EFCAB12: variants seen among roughly 807,000 people sequenced by gnomAD.
EFCAB12 encodes the protein EF-hand calcium binding domain 12.
In EFCAB12, 43 loss-of-function variants were observed where a neutral mutation model predicts 53.6. The observed-to-expected ratio is 0.80, with a 90% CI of 0.63 to 1.03. The LOEUF (loss-of-function observed/expected upper bound fraction) is 1.03, where lower values mean the gene tolerates loss of function less well. EFCAB12 is among the 50% of genes least tolerant of loss of function. The probability of loss-of-function intolerance (pLI) is 0.00; values close to 1 mark genes in which losing one functional copy is unlikely to be tolerated. For synonymous variants in EFCAB12, 269 were observed against 289.2 expected (o/e 0.93, Z 0.71); for missense variants, 646 against 730.6 (o/e 0.88, Z 1.34).
chr3:129,421,094 A>G (rs997543342), intron 2 of EFCAB12, among the ~76,000 whole-genome samples: 1 of 152,152 alleles, frequency 6.6e-6, no homozygotes, highest in Non-Finnish European at 1.5e-5. Flanking sequence ...CTCATGAGAG[A>G]CTCTGAGCCA....
At chr3:129,414,401 G>C (rs756670814) in intron 4 of EFCAB12, 2 of 152,258 alleles carry the variant, frequency 1.3e-5, no homozygotes, top group Non-Finnish European at 2.9e-5. Context: ...CAGGGCTCCT[G>C]TGTGACTCAG....
intron 3 of EFCAB12, among the ~76,000 whole-genome samples, 191 bp from the exon 4 acceptor site, chr3:129,415,592 G>C (rs9990139): frequency 0.064 from 9,748 of 152,202 alleles, 951 homozygotes; most frequent in East Asian, 0.44. Flanking sequence ...TCTGCACTTT[G>C]TTACCTTTGC....
intron 3 of EFCAB12, among the ~76,000 whole-genome samples, chr3:129,416,600 C>T (rs1360175327): frequency 2.0e-5 from 3 of 152,266 alleles, no homozygotes; most frequent in South Asian, 2.1e-4. Context: ...TTTAAAACCA[C>T]GAAAGACATC....
chr3:129,422,224 T>C (rs2072198444), intron 1 of EFCAB12, among the ~76,000 whole-genome samples: 1 of 152,198 alleles, frequency 6.6e-6, no homozygotes, highest in East Asian at 1.9e-4. Context: ...ACCTAACTTC[T>C]CTGTCTCAAC....
At chr3:129,402,697 T>G in intron 7 of EFCAB12, 118 bp from the exon 8 acceptor site, 12 of 983,470 alleles carry the variant, frequency 1.2e-5, no homozygotes, top group East Asian at 2.7e-5. Context: ...ACGAGAGCTC[T>G]GAAAGAAAAA....
intron 3 of EFCAB12, among the ~76,000 whole-genome samples, 199 bp downstream of exon 3, chr3:129,418,055 T>G (rs145638638): frequency 1.3e-5 from 2 of 152,120 alleles, no homozygotes; most frequent in African/African-American, 2.4e-5. Context: ...GGGCAGATAT[T>G]GAGGATCTGA....
chr3:129,405,815 G>A (rs2107735874), intron 6 of EFCAB12, among the ~76,000 whole-genome samples: 1 of 152,310 alleles, frequency 6.6e-6, no homozygotes, highest in South Asian at 2.1e-4. Flanking sequence ...ACAGTGGTCA[G>A]AGATGGATTT....
intron 6 of EFCAB12, among the ~76,000 whole-genome samples, chr3:129,405,982 G>A (rs1178667845): frequency 6.6e-6 from 1 of 151,878 alleles, no homozygotes; most frequent in Non-Finnish European, 1.5e-5. Flanking sequence ...GGAAGCTGAA[G>A]TGGGACGATC....
At position 129,401,458 on chromosome 3, in the gene EFCAB12, G is replaced by A. The variant is rs936810412; in HGVS notation, c.*135C>T. 6 of 1,263,216 alleles carry A rather than the reference G, an allele frequency of 4.7e-6. No homozygotes were observed. Among genetic ancestry groups the A allele is most frequent in the African/African-American group, 3.0e-5 (2 of 66,056 alleles). 78.3% of individuals were successfully genotyped at this position (1,263,216 alleles called of 1,614,324 possible). On this transcript the variant is annotated 3_prime_UTR_variant, in exon 9 of 9. Transcript: ENST00000505956. Reference sequence around the variant, plus strand: ...GACACTTTGAGTCCAGAGGGAACTGGCCCCCGGTCCATCCCTCTTTGAAAG... The same window carrying A: ...GACACTTTGAGTCCAGAGGGAACTGACCCCCGGTCCATCCCTCTTTGAAAG...
intron 6 of EFCAB12, among the ~76,000 whole-genome samples, chr3:129,406,836 G>T (rs1054399296): frequency 6.7e-6 from 1 of 150,222 alleles, no homozygotes; most frequent in East Asian, 2.0e-4. Flanking sequence ...AGATAAAAAA[G>T]GTTGTGACTT....
In EFCAB12 at chr3:129,417,337, A is replaced by AC. The variant is rs1559789768; in HGVS notation, c.681+916_681+917insG. Among the ~76,000 whole-genome samples the AC allele has an allele frequency of 9.3e-4, 128 of 137,696 alleles. 1 individual carries two copies. Among genetic ancestry groups the AC allele is most frequent in the African/African-American group, 3.0e-3 (101 of 33,644 alleles). The allele number at this position is 137,696 out of a possible 152,430, so 90.3% of individuals were successfully genotyped here. On this transcript the variant is annotated intron_variant, in intron 3 of 8. Coordinates refer to ENST00000505956, the MANE Select transcript of EFCAB12 (RefSeq NM_207307.3). ...AGACTCTGCCTCAAAAAAAAAAAAA[A>AC]AACCAAAAAAAAAAAACCCAAAACC...
At chr3:129,418,902 A>T (rs2072155075) in intron 2 of EFCAB12, among the ~76,000 whole-genome samples, 1 of 152,044 alleles carries the variant, frequency 6.6e-6, no homozygotes. Context: ...CTCCAATTCC[A>T]AGTGAAAGGG....
intron 1 of EFCAB12, among the ~76,000 whole-genome samples, chr3:129,427,487 G>A (rs1477366817): frequency 2.6e-5 from 4 of 152,034 alleles, no homozygotes; most frequent in Admixed American, 6.6e-5. Context: ...CCCAAGTCCC[G>A]TAGTTCCCTC....
chr3:129,413,542 T>C (rs2072073726), intron 4 of EFCAB12: 1 of 152,170 alleles, frequency 6.6e-6, no homozygotes. Flanking sequence ...GAAAGATGTA[T>C]GGAAACAGAC....
Position 129,418,336 on chromosome 3 carries a change from T to C in EFCAB12, c.599A>G (p.Lys200Arg). 1 of 1,613,906 alleles carries C rather than the reference T, an allele frequency of 6.2e-7. No homozygotes were observed. The highest frequency in any genetic ancestry group is 8.5e-7 in the Non-Finnish European group (1 of 1,179,804). Residue 200 changes from lysine to arginine, a missense_variant, in exon 3 of 9, where the codon AAG (lysine) becomes AGG (arginine). Coordinates refer to ENST00000505956, the MANE Select transcript of EFCAB12 (RefSeq NM_207307.3). ...CACCTTGTGAAATATCTCCAGGATC[T>C]TGATCTTGCGGCTATGCAGGTAGGA... ...MYSYLHSRKI[K>R]ILEIFHKVGQ...
intron 6 of EFCAB12, among the ~76,000 whole-genome samples, chr3:129,408,009 C>G (rs1054129663): frequency 4.6e-5 from 7 of 152,230 alleles, no homozygotes; most frequent in African/African-American, 7.2e-5. Context: ...TCCGCTCCCA[C>G]ATATTAGAAG....
rs746212714 is a variant in EFCAB12 at position 129,411,347 on chromosome 3, G to T, written c.846C>A (p.Ile282=). The T allele has an allele frequency of 6.3e-7, 1 of 1,575,156 alleles. No individual in the cohort carries two copies. The highest frequency in any genetic ancestry group is 1.2e-5 in the South Asian group (1 of 86,160). Residue 282 remains isoleucine, a synonymous_variant, in exon 5 of 9, where the codon ATC becomes ATA. Coordinates refer to ENST00000505956, the MANE Select transcript of EFCAB12 (RefSeq NM_207307.3). ...TCAGGGAATCTCTGTGCTTGGCCAAGATATAATCTGGAGTCAGAGGGAAGA... is the reference window on the plus strand; with the variant it reads ...TCAGGGAATCTCTGTGCTTGGCCAATATATAATCTGGAGTCAGAGGGAAGA... ...SSLATAREHY[I]LAKHRDSLKG...
At chr3:129,416,234 C>T (rs534093732) in intron 3 of EFCAB12, among the ~76,000 whole-genome samples, 3 of 152,208 alleles carry the variant, frequency 2.0e-5, no homozygotes, top group East Asian at 3.9e-4. Context: ...GACTGGCCAG[C>T]ATGGTGAAGC....
chr3:129,408,964 C>T, intron 5 of EFCAB12, 106 bp from the exon 6 acceptor site: 2 of 1,308,876 alleles, frequency 1.5e-6, no homozygotes, highest in Non-Finnish European at 2.1e-6. Context: ...CTGCGAGGTC[C>T]CCATGAGGGG....
Sources: allele counts gnomAD v4.1 joint callset (sites outside exome capture counted in the v4.1 genomes callset), GRCh38; gene constraint gnomAD v4.1.1; transcripts MANE v1.5; gene names NCBI Gene and HGNC (gene_info 2026-07-23, HGNC 2026-07-21).